Variants in DHRS7B observed in about 807,000 individuals in gnomAD.
DHRS7B encodes the protein peroxisomal reductase activating PPAR-gamma.
Under a neutral mutation model 26.4 loss-of-function variants are expected in DHRS7B, and 24 were observed. That is an observed-to-expected ratio of 0.91 (90% CI 0.66 to 1.28). The LOEUF is 1.28. DHRS7B is among the 50% of genes most tolerant of loss of function. The pLI, the probability that DHRS7B is intolerant of heterozygous loss-of-function variation, is 0.00. For synonymous variants in DHRS7B, 142 were observed against 166.4 expected (o/e 0.85, Z 1.13); for missense variants, 368 against 419.4 (o/e 0.88, Z 1.07).
At chr17:21,140,212 T>TG (rs909521961) in intron 1 of DHRS7B, among the ~76,000 whole-genome samples, 19 of 151,784 alleles carry the variant, frequency 1.3e-4, no homozygotes, top group African/African-American at 4.6e-4. Context: ...TTTAGTAAGA[T>TG]GGGGTTTCAC....
intron 1 of DHRS7B, among the ~76,000 whole-genome samples, chr17:21,140,086 G>A (rs903336870): frequency 1.1e-4 from 15 of 142,456 alleles, no homozygotes; most frequent in Non-Finnish European, 1.1e-4. Context: ...GTGCGGTGGC[G>A]TGATCTCTGC....
At chr17:21,165,680 G>A (rs1974095045) in intron 1 of DHRS7B, among the ~76,000 whole-genome samples, 2 of 152,208 alleles carry the variant, frequency 1.3e-5, no homozygotes, top group East Asian at 3.9e-4. Flanking sequence ...CATTTTGGGA[G>A]GCTGAGGTGG....
At chr17:21,162,340 A>G (rs1974017608) in intron 1 of DHRS7B, among the ~76,000 whole-genome samples, 1 of 152,200 alleles carries the variant, frequency 6.6e-6, no homozygotes, top group South Asian at 2.1e-4. Context: ...GCAACTGGCA[A>G]ATAGTTAAAA....
intron 2 of DHRS7B, among the ~76,000 whole-genome samples, chr17:21,172,894 G>A (rs1974292501): frequency 6.6e-6 from 1 of 152,244 alleles, no homozygotes; most frequent in Non-Finnish European, 1.5e-5. Flanking sequence ...CTGAGTTACA[G>A]GGCTCCATTG....
chr17:21,189,274 G>T (rs1974723728), intron 6 of DHRS7B, among the ~76,000 whole-genome samples: 1 of 152,192 alleles, frequency 6.6e-6, no homozygotes, highest in Non-Finnish European at 1.5e-5. Flanking sequence ...CCATAGGCTT[G>T]AGAAATGACT....
chr17:21,171,081 C>T (rs902377544), intron 1 of DHRS7B, among the ~76,000 whole-genome samples: 5 of 152,128 alleles, frequency 3.3e-5, no homozygotes, highest in Non-Finnish European at 4.4e-5. Flanking sequence ...GACTCTGGCT[C>T]GCTCGTCAAG....
intron 6 of DHRS7B, among the ~76,000 whole-genome samples, chr17:21,190,079 T>C (rs1319354133): frequency 6.6e-6 from 1 of 152,088 alleles, no homozygotes; most frequent in Non-Finnish European, 1.5e-5. Flanking sequence ...GGCAGGAGGA[T>C]TGCTTGAGCC....
At chr17:21,149,980 C>T (rs936746051) in intron 1 of DHRS7B, among the ~76,000 whole-genome samples, 1 of 151,826 alleles carries the variant, frequency 6.6e-6, no homozygotes, top group Admixed American at 6.6e-5. Flanking sequence ...TTTCTTTAGC[C>T]AGGCATGGTG....
chr17:21,170,138 A>G (rs765327062), intron 1 of DHRS7B, among the ~76,000 whole-genome samples: 26 of 152,100 alleles, frequency 1.7e-4, no homozygotes, highest in African/African-American at 6.0e-4. Context: ...TGGTAAAGCT[A>G]TATCAACAAA....
intron 1 of DHRS7B, among the ~76,000 whole-genome samples, chr17:21,169,871 C>T (rs891817794): frequency 6.6e-6 from 1 of 152,112 alleles, no homozygotes; most frequent in African/African-American, 2.4e-5. Flanking sequence ...AGGCCCCCAC[C>T]CCTTTCATAC....
intron 1 of DHRS7B, among the ~76,000 whole-genome samples, chr17:21,163,121 G>A (rs1461735885): frequency 6.6e-6 from 1 of 151,900 alleles, no homozygotes; most frequent in Non-Finnish European, 1.5e-5. Context: ...GCTTGAACCC[G>A]GGAGGCAGAG....
At chr17:21,146,275 C>T (rs1178254726) in intron 1 of DHRS7B, among the ~76,000 whole-genome samples, 1 of 152,156 alleles carries the variant, frequency 6.6e-6, no homozygotes, top group Non-Finnish European at 1.5e-5. Context: ...CTGGTGTGCA[C>T]CTGTAGTCCC....
intron 1 of DHRS7B, among the ~76,000 whole-genome samples, chr17:21,170,886 A>G (rs1310063464): frequency 6.6e-6 from 1 of 151,800 alleles, no homozygotes; most frequent in African/African-American, 2.4e-5. Context: ...TGGGCTTGAG[A>G]TGGGATATTA....
At chr17:21,147,005 G>A (rs1236632730) in intron 1 of DHRS7B, among the ~76,000 whole-genome samples, 3 of 152,066 alleles carry the variant, frequency 2.0e-5, no homozygotes, top group African/African-American at 4.8e-5. Flanking sequence ...TCTAATTGCC[G>A]TGCACTACTA....
At position 21,172,178 on chromosome 17, in the gene DHRS7B, A is replaced by G. The variant is rs1974269404; in HGVS notation, c.181A>G (p.Thr61Ala). 6.2e-7 allele frequency: 1 copy of G among 1,612,816 alleles called. No homozygotes were observed. The highest frequency in any genetic ancestry group is 1.7e-5 in the Admixed American group (1 of 59,842). Reference sequence around the variant, plus strand: ...TGCTGTGGTGGTGATCACAGGCGCCACCTCAGGGCTGGGCAAAGGTGGGTC... The same window carrying G: ...TGCTGTGGTGGTGATCACAGGCGCCGCCTCAGGGCTGGGCAAAGGTGGGTC... ...RNAVVVITGA[T>A]SGLGKECAKV... The change falls in exon 2 of 7, where the codon ACC becomes GCC. Residue 61 changes from threonine (T) to alanine (A), a missense_variant. Physicochemically the swap from Thr to Ala is moderately conservative, Grantham distance 58. Transcript: ENST00000395511.
At chr17:21,127,062 C>T (rs756278085) in intron 1 of DHRS7B, 71 bp downstream of exon 1, 204 of 1,427,006 alleles carry the variant, frequency 1.4e-4, no homozygotes, top group Non-Finnish European at 1.8e-4. Context: ...GGCGACGCCC[C>T]GGCTTGGGTG....
At chr17:21,166,107 G>A in intron 1 of DHRS7B, 1 of 979,062 alleles carries the variant, frequency 1.0e-6, no homozygotes, top group Non-Finnish European at 1.2e-6. Context: ...CCCGGGGCTG[G>A]GCTTTGGCAC....
chr17:21,171,260 G>C (rs1322452421), intron 1 of DHRS7B, among the ~76,000 whole-genome samples: 1 of 152,218 alleles, frequency 6.6e-6, no homozygotes, highest in East Asian at 1.9e-4. Context: ...GGAAATAAGG[G>C]CAGATGGGGA....
chr17:21,167,553 C>T (rs1167118521), intron 1 of DHRS7B, among the ~76,000 whole-genome samples: 1 of 152,154 alleles, frequency 6.6e-6, no homozygotes, highest in Non-Finnish European at 1.5e-5. Context: ...AGGTGGTGCC[C>T]TCTGCTTCCA....
Sources: gnomAD v4.1 joint callset for allele counts (sites outside exome capture counted in the v4.1 genomes callset) on GRCh38, gnomAD v4.1.1 for gene constraint, MANE v1.5 for transcripts, NCBI Gene and HGNC (gene_info 2026-07-23, HGNC 2026-07-21) for gene names.